The following RUFY3 variants were observed in gnomAD, a reference collection of about 807,000 sequenced individuals.
RUFY3 encodes protein RUFY3.
A neutral mutation model predicts 84.0 loss-of-function variants in RUFY3; 34 were observed. The observed-to-expected ratio is 0.40, with a 90% CI of 0.31 to 0.54. The LOEUF is 0.54. Among genes scored for constraint, RUFY3 ranks in the 20% least tolerant of loss-of-function variants. The probability of loss-of-function intolerance (pLI) is 0.39; values close to 1 mark genes in which losing one functional copy is unlikely to be tolerated. For missense variants in RUFY3, 507 were observed against 736.8 expected (o/e 0.69, Z 3.61); for synonymous variants, 242 against 252.9 (o/e 0.96, Z 0.41).
intron 1 of RUFY3, among the ~76,000 whole-genome samples, chr4:70,725,553 A>G (rs995724306): frequency 6.6e-6 from 1 of 151,834 alleles, no homozygotes; most frequent in African/African-American, 2.4e-5. Flanking sequence ...CTGGTCTCGA[A>G]CTCCCAACCT....
At chr4:70,750,758 T>G (rs1054765647) in intron 1 of RUFY3, among the ~76,000 whole-genome samples, 3 of 152,200 alleles carry the variant, frequency 2.0e-5, no homozygotes, top group Admixed American at 6.5e-5. Flanking sequence ...AGTTTTTTTT[T>G]GAGGGGCTTC....
Position 70,793,856 on chromosome 4 carries a change from A to G in RUFY3, c.1409A>G (p.Asp470Gly). Residue 470 changes from aspartate to glycine, a missense_variant, in exon 13 of 18, where the codon GAC becomes GGC. Coordinates refer to ENST00000381006, the MANE Select transcript of RUFY3 (RefSeq NM_001037442.4). The stretch of plus-strand genomic sequence containing the variant: ...CGGCTCTTCAAACAGGACTTTGGAG[A>G]CAAGATCAACAGTCTGCAGCTGGAA... The part of the protein sequence containing the change: ...DNRLFKQDFG[D>G]KINSLQLEVE... 1 of 1,614,078 alleles carries G rather than the reference A, an allele frequency of 6.2e-7. No homozygotes were observed. Among genetic ancestry groups the G allele is most frequent in the East Asian group, 2.2e-5 (1 of 44,882 alleles).
intron 17 of RUFY3, 100 bp from the exon 18 acceptor site, chr4:70,806,416 G>A: frequency 7.6e-7 from 1 of 1,309,420 alleles, no homozygotes; most frequent in Non-Finnish European, 1.1e-6. Flanking sequence ...GTCATTGTTT[G>A]ATTAGGCATT....
chr4:70,768,901 T>TAC (rs553326407), intron 5 of RUFY3, among the ~76,000 whole-genome samples: 2 of 151,850 alleles, frequency 1.3e-5, no homozygotes, highest in African/African-American at 2.4e-5. Flanking sequence ...AACATACATA[T>TAC]ACACACACAC....
At chr4:70,712,345 TAGTC>T (rs771845152) in intron 1 of RUFY3, among the ~76,000 whole-genome samples, 2 of 152,194 alleles carry the variant, frequency 1.3e-5, no homozygotes, top group Non-Finnish European at 2.9e-5. Context: ...TATTCCTCAA[TAGTC>T]AGCCTTCAAA....
upstream of RUFY3, among the ~76,000 whole-genome samples, chr4:70,721,115 C>T (rs1049058357): frequency 6.6e-5 from 10 of 151,898 alleles, no homozygotes; most frequent in Non-Finnish European, 1.0e-4. Flanking sequence ...AGTTCAAGAC[C>T]AGCCTGGCCA....
chr4:70,705,100 C>G (rs1168118316), exon 1 of RUFY3: 8 of 1,397,878 alleles, frequency 5.7e-6, no homozygotes, highest in African/African-American at 3.0e-5. Context: ...GCCGGGCAGT[C>G]GGAGCCCGAC....
In RUFY3 at chr4:70,773,438, A is replaced by G. The variant is rs1024753538; in HGVS notation, c.697-73A>G. On this transcript the variant is annotated intron_variant, in intron 5 of 17. Transcript: ENST00000381006. ...GACTGTATTACTGTTTTGAGTGCCTAGAAGGAGACATTGTGTTATGCCTTG... is the reference window on the plus strand; with the variant it reads ...GACTGTATTACTGTTTTGAGTGCCTGGAAGGAGACATTGTGTTATGCCTTG... 5.7e-5 allele frequency: 59 copies of G among 1,028,566 alleles called. No homozygotes were observed. In the Middle Eastern group the frequency reaches 6.0e-4, roughly 10 times the overall value. 63.7% of individuals were successfully genotyped at this position (1,028,566 alleles called of 1,614,324 possible).
intron 4 of RUFY3, 137 bp from the exon 5 acceptor site, chr4:70,768,388 CTTTTTGTAGTTTT>C: frequency 1.5e-6 from 1 of 684,858 alleles, no homozygotes; most frequent in Non-Finnish European, 2.3e-6. Flanking sequence ...TAAAGCCTTT[CTTTTTGTAGTTTT>C]TTTTTTACTA....
chr4:70,802,363 G>T (rs1006086633), intron 15 of RUFY3, among the ~76,000 whole-genome samples: 1 of 152,180 alleles, frequency 6.6e-6, no homozygotes, highest in Admixed American at 6.5e-5. Flanking sequence ...CCCTGTAACC[G>T]AGAGCGGGCT....
chr4:70,721,668 GCTTGTTAAATTA>G (rs1184018549), upstream of RUFY3, among the ~76,000 whole-genome samples: 1 of 152,038 alleles, frequency 6.6e-6, no homozygotes, highest in Non-Finnish European at 1.5e-5. Context: ...TGAATTATAT[GCTTGTTAAATTA>G]ATCTAACTGC....
chr4:70,720,482 C>G (rs1415453861), upstream of RUFY3, among the ~76,000 whole-genome samples: 1 of 152,234 alleles, frequency 6.6e-6, no homozygotes, highest in Non-Finnish European at 1.5e-5. Flanking sequence ...CCGCGCCCAG[C>G]CATCCGCCCT....
At chr4:70,752,973 GGT>G (rs1723375401) in intron 1 of RUFY3, among the ~76,000 whole-genome samples, 2 of 152,176 alleles carry the variant, frequency 1.3e-5, no homozygotes, top group East Asian at 3.9e-4. Context: ...GTCAAGGATT[GGT>G]GTCAATTCCT....
Position 70,777,221 on chromosome 4 carries a change from A to T in RUFY3, c.825-1148A>T, listed in dbSNP as rs1483947136. The stretch of plus-strand genomic sequence containing the variant: ...TTTGAACCACAGTTGAGTGCAGGTA[A>T]CTGAAACCACAGAAAACAAAACTAT... On this transcript the variant is annotated intron_variant, in intron 7 of 17. Transcript: ENST00000381006. Among the ~76,000 whole-genome samples the T allele has an allele frequency of 2.0e-5, 3 of 152,204 alleles. No homozygotes were observed. The East Asian group carries it at 5.8e-4, about 29-fold the overall frequency.
chr4:70,749,597 C>T (rs949195902), intron 1 of RUFY3, among the ~76,000 whole-genome samples: 11 of 150,314 alleles, frequency 7.3e-5, no homozygotes, highest in African/African-American at 2.7e-4. Context: ...TTACAGGAGG[C>T]CAGCAGCTAA....
chr4:70,753,617 C>G (rs1306695675), intron 1 of RUFY3, among the ~76,000 whole-genome samples: 1 of 152,146 alleles, frequency 6.6e-6, no homozygotes, highest in African/African-American at 2.4e-5. Context: ...TACAGCTTCC[C>G]TTGTCTAAAA....
intron 4 of RUFY3, among the ~76,000 whole-genome samples, chr4:70,766,192 A>T (rs1430962535): frequency 2.0e-5 from 3 of 152,188 alleles, no homozygotes; most frequent in Non-Finnish European, 4.4e-5. Context: ...TGTTGTTTTA[A>T]TCATGATGTC....
chr4:70,743,236 A>AT lies in RUFY3; in HGVS notation c.179-19276dup, dbSNP rs918890255. ...AGGTGCATACCACCATCCCTGGCTA[A>AT]TTTTTTTGTGTTTTTAGTAGAGACG... On this transcript the variant is annotated intron_variant, in intron 1 of 17. Coordinates refer to ENST00000381006, the MANE Select transcript of RUFY3 (RefSeq NM_001037442.4). 4.0e-5 allele frequency among the ~76,000 whole-genome samples: 6 copies of AT among 151,896 alleles called. No homozygotes were observed. In the East Asian group the frequency reaches 7.8e-4, roughly 20 times the overall value.
At chr4:70,727,455 A>G (rs1485842828) in intron 1 of RUFY3, among the ~76,000 whole-genome samples, 1 of 147,832 alleles carries the variant, frequency 6.8e-6, no homozygotes, top group African/African-American at 2.5e-5. Context: ...TCCCAGGTTC[A>G]AGCGACTCTC....
Sources: allele counts gnomAD v4.1 joint callset (sites outside exome capture counted in the v4.1 genomes callset), GRCh38; gene constraint gnomAD v4.1.1; transcripts MANE v1.5; gene names NCBI Gene and HGNC (gene_info 2026-07-23, HGNC 2026-07-21).